Variants in HS2ST1 observed in about 807,000 individuals in gnomAD.
HS2ST1 encodes heparan sulfate 2-O-sulfotransferase 1.
HS2ST1 carries 18 observed loss-of-function variants against 42.9 expected under a neutral mutation model. The observed-to-expected ratio is 0.42, with a 90% CI of 0.29 to 0.62. The LOEUF (loss-of-function observed/expected upper bound fraction) is 0.62. Ranked by LOEUF, HS2ST1 falls within the 20% of genes least tolerant of loss-of-function variation. The pLI, the probability that HS2ST1 is intolerant of heterozygous loss-of-function variation, is 0.21. For synonymous variants in HS2ST1, 146 were observed against 152.9 expected, an observed-to-expected ratio of 0.95 and a Z score of 0.33; for missense variants, 334 against 433.8, an observed-to-expected ratio of 0.77 and a Z score of 2.04.
At chr1:87,006,120 A>C (rs911605212) in intron 1 of HS2ST1, among the ~76,000 whole-genome samples, 1 of 152,160 alleles carries the variant, frequency 6.6e-6, no homozygotes, top group Non-Finnish European at 1.5e-5. Context: ...TACACTGGTA[A>C]GTTTTGTATA....
chr1:87,040,282 C>T (rs976553939), intron 1 of HS2ST1, among the ~76,000 whole-genome samples: 99 of 152,234 alleles, frequency 6.5e-4, no homozygotes, highest in African/African-American at 2.2e-3. Flanking sequence ...CCCCTCCCCG[C>T]TCCCTGAACA....
chr1:86,921,781 T>G (rs1660305523), intron 1 of HS2ST1, among the ~76,000 whole-genome samples: 1 of 152,214 alleles, frequency 6.6e-6, no homozygotes, highest in Non-Finnish European at 1.5e-5. Flanking sequence ...CTCAGGTATT[T>G]TGTTATAGTA....
chr1:87,052,240 G>A (rs1259777469), intron 1 of HS2ST1, among the ~76,000 whole-genome samples: 2 of 151,708 alleles, frequency 1.3e-5, no homozygotes, highest in Admixed American at 6.6e-5. Context: ...GTGACAGAGC[G>A]AGACCCTGTC....
At chr1:87,017,406 G>C (rs567206741) in intron 1 of HS2ST1, among the ~76,000 whole-genome samples, 1 of 152,176 alleles carries the variant, frequency 6.6e-6, no homozygotes, top group Admixed American at 6.5e-5. Flanking sequence ...CAAAGTGCTG[G>C]GATTACAGGC....
intron 1 of HS2ST1, among the ~76,000 whole-genome samples, chr1:86,935,488 A>G (rs1372416618): frequency 7.3e-4 from 79 of 108,740 alleles, no homozygotes; most frequent in African/African-American, 2.6e-3. Context: ...TTTGAGATAG[A>G]GGCTTGCTCT....
intron 1 of HS2ST1, among the ~76,000 whole-genome samples, chr1:86,978,861 CT>C (rs55812524): frequency 1.5e-3 from 148 of 98,634 alleles, no homozygotes; most frequent in African/African-American, 2.2e-3. Flanking sequence ...ACTTGTGAAT[CT>C]TTTTTTTTTT....
chr1:87,056,446 A>G (rs1437949655), intron 1 of HS2ST1, among the ~76,000 whole-genome samples: 1 of 152,210 alleles, frequency 6.6e-6, no homozygotes, highest in African/African-American at 2.4e-5. Context: ...TCAACAAGGC[A>G]ATTTTTTTCA....
At chr1:86,999,810 C>T (rs1311585000) in intron 1 of HS2ST1, among the ~76,000 whole-genome samples, 2 of 152,104 alleles carry the variant, frequency 1.3e-5, no homozygotes, top group Non-Finnish European at 1.5e-5. Context: ...TTTCTTTGTT[C>T]CTGTAACCCT....
chr1:86,943,347 C>T (rs940522054), intron 1 of HS2ST1, among the ~76,000 whole-genome samples: 2 of 152,128 alleles, frequency 1.3e-5, no homozygotes, highest in Admixed American at 6.6e-5. Flanking sequence ...TCTTAACCAG[C>T]GTCTAGGCAA....
intron 1 of HS2ST1, among the ~76,000 whole-genome samples, chr1:86,927,451 C>T (rs1349528809): frequency 6.6e-6 from 1 of 152,118 alleles, no homozygotes; most frequent in East Asian, 1.9e-4. Flanking sequence ...TGATTTGCTG[C>T]TTATATAGCA....
At chr1:87,082,346 C>T (rs185800431) in intron 2 of HS2ST1, among the ~76,000 whole-genome samples, 7 of 152,302 alleles carry the variant, frequency 4.6e-5, no homozygotes, top group African/African-American at 9.6e-5. Context: ...CTTCTGCCCA[C>T]GTCTTTCACT....
chr1:86,964,075 CGG>C (rs1464832391), intron 1 of HS2ST1, among the ~76,000 whole-genome samples: 2 of 149,576 alleles, frequency 1.3e-5, no homozygotes, highest in Non-Finnish European at 3.0e-5. Context: ...ACATCCCACA[CGG>C]GGTGGCGGGG....
chr1:86,987,063 G>T (rs1648805895), intron 1 of HS2ST1, among the ~76,000 whole-genome samples: 1 of 123,642 alleles, frequency 8.1e-6, no homozygotes, highest in Admixed American at 1.1e-4. Context: ...GGTTGTGATA[G>T]CCAGGTTTTT....
At chr1:87,018,492 G>T (rs1428711763) in intron 1 of HS2ST1, among the ~76,000 whole-genome samples, 3 of 152,120 alleles carry the variant, frequency 2.0e-5, no homozygotes, top group African/African-American at 7.2e-5. Context: ...TAGCAATAGC[G>T]TTTGGCTCCT....
intron 1 of HS2ST1, chr1:87,064,527 C>G: frequency 1.9e-6 from 1 of 518,294 alleles, no homozygotes; most frequent in Non-Finnish European, 3.9e-6. Flanking sequence ...TTAATGGTAC[C>G]ATATGCATCC....
chr1:86,959,545 C>T (rs1334812079), intron 1 of HS2ST1, among the ~76,000 whole-genome samples: 1 of 152,158 alleles, frequency 6.6e-6, no homozygotes, highest in East Asian at 1.9e-4. Context: ...GTAGTCCCAG[C>T]TACTCGGGAG....
rs1388077299 is a variant in HS2ST1 at position 87,097,888 on chromosome 1, G to T, written c.639G>T (p.Lys213Asn). 1 of 1,613,930 alleles carries T rather than the reference G, an allele frequency of 6.2e-7. No individual in the cohort carries two copies. Among genetic ancestry groups the T allele is most frequent in the Non-Finnish European group, 8.5e-7 (1 of 1,179,818 alleles). Reference protein sequence around the residue: ...AEGGSDCAPEKLWLQIPFFCG... With the variant: ...AEGGSDCAPENLWLQIPFFCG... ...GTGGCTCAGACTGTGCTCCAGAGAA[G>T]CTCTGGCTTCAAATCCCGTTCTTCT... is the stretch of plus-strand genomic sequence containing the variant. The change falls in exon 5 of 7, where the codon AAG (lysine) becomes AAT (asparagine). Residue 213 changes from lysine (K) to asparagine (N), a missense_variant. By Grantham distance (94) the Lys-to-Asn change is moderately conservative (BLOSUM62 0). Coordinates refer to ENST00000370550, the MANE Select transcript of HS2ST1 (RefSeq NM_012262.4).
intron 3 of HS2ST1, among the ~76,000 whole-genome samples, chr1:87,086,661 T>C (rs563548518): frequency 5.9e-5 from 9 of 152,320 alleles, no homozygotes; most frequent in Admixed American, 2.0e-4. Context: ...ACATTATATT[T>C]GCAAGCTTGT....
chr1:87,013,917 T>G (rs1326090146), intron 1 of HS2ST1, among the ~76,000 whole-genome samples: 3 of 152,168 alleles, frequency 2.0e-5, no homozygotes, highest in African/African-American at 7.2e-5. Context: ...TGCTAAAACA[T>G]AGTAAGAGTC....
Sources: gnomAD v4.1 joint callset for allele counts (sites outside exome capture counted in the v4.1 genomes callset) on GRCh38, gnomAD v4.1.1 for gene constraint, MANE v1.5 for transcripts, NCBI Gene and HGNC (gene_info 2026-07-23, HGNC 2026-07-21) for gene names.